Variants in ABCB1 observed in about 807,000 individuals in gnomAD.
ABCB1 encodes the protein ATP binding cassette subfamily B member 1, also known as ATP-dependent translocase ABCB1.
Under a neutral mutation model 142.0 loss-of-function variants are expected in ABCB1, and 69 were observed. The ratio of observed to expected loss-of-function variants is 0.49; its 90% CI spans 0.40 to 0.59. The LOEUF (loss-of-function observed/expected upper bound fraction) is 0.59, where lower values mean the gene tolerates loss of function less well. ABCB1 is among the 20% of genes least tolerant of loss of function. ABCB1 has a pLI of 0.00. For synonymous variants in ABCB1, 532 were observed against 539.2 expected (o/e 0.99, Z 0.18); for missense variants, 1,326 against 1,554.7 (o/e 0.85, Z 2.47).
intron 1 of ABCB1, among the ~76,000 whole-genome samples, chr7:87,609,921 G>A (rs946702953): frequency 6.6e-6 from 1 of 152,062 alleles, no homozygotes; most frequent in Non-Finnish European, 1.5e-5. Context: ...TAATAAAAAT[G>A]TATGTAAAAT....
chr7:87,682,309 T>TA (rs1374519581), intron 1 of ABCB1, among the ~76,000 whole-genome samples: 1 of 152,230 alleles, frequency 6.6e-6, no homozygotes, highest in Non-Finnish European at 1.5e-5. Flanking sequence ...TTAATGTTGA[T>TA]ATTCTGTTAA....
At chr7:87,564,275 A>G (rs1817696929) in intron 7 of ABCB1, 2 of 334,126 alleles carry the variant, frequency 6.0e-6, no homozygotes, top group South Asian at 5.1e-5. Flanking sequence ...CTGTGGTTCC[A>G]GGAGCGGTTT....
At chr7:87,661,675 C>G (rs761478365) in intron 1 of ABCB1, among the ~76,000 whole-genome samples, 3 of 151,650 alleles carry the variant, frequency 2.0e-5, no homozygotes, top group Non-Finnish European at 4.4e-5. Flanking sequence ...CTGTTTCTTC[C>G]AAGTCTTGGC....
intron 1 of ABCB1, among the ~76,000 whole-genome samples, chr7:87,616,994 C>A (rs764132437): frequency 2.0e-5 from 3 of 152,048 alleles, no homozygotes; most frequent in Non-Finnish European, 4.4e-5. Flanking sequence ...GTTTGTGTGA[C>A]AAGGGGAGGA....
intron 22 of ABCB1, among the ~76,000 whole-genome samples, chr7:87,519,940 T>A (rs1815421942): frequency 6.6e-6 from 1 of 152,202 alleles, no homozygotes; most frequent in South Asian, 2.1e-4. Context: ...AATTACTATT[T>A]ATGCATTAGA....
chr7:87,555,171 G>A (rs1817256140), intron 8 of ABCB1, among the ~76,000 whole-genome samples: 1 of 152,138 alleles, frequency 6.6e-6, no homozygotes, highest in Admixed American at 6.5e-5. Flanking sequence ...CAGAGTTAAA[G>A]AAAAATAAGG....
chr7:87,551,491 A>T lies in ABCB1; in HGVS notation c.1000-653T>A, dbSNP rs575923733. Reference sequence around the variant, plus strand: ...ATTTGTCAATTAAAAATAGCATAAAATTTTTTTAAAAAAATTTTAAGACAA... The same window carrying T: ...ATTTGTCAATTAAAAATAGCATAAATTTTTTTTAAAAAAATTTTAAGACAA... On this transcript the variant is annotated intron_variant, in intron 9 of 27. Transcript: ENST00000622132. 9.9e-5 allele frequency among the ~76,000 whole-genome samples: 15 copies of T among 152,212 alleles called. No individual in the cohort carries two copies. The East Asian group carries it at 1.7e-3, about 18-fold the overall frequency.
At chr7:87,559,616 G>A (rs1370055738) in intron 8 of ABCB1, among the ~76,000 whole-genome samples, 2 of 151,842 alleles carry the variant, frequency 1.3e-5, no homozygotes, top group East Asian at 1.9e-4. Context: ...TGATTTAGAT[G>A]TTTAGTTCTT....
intron 20 of ABCB1, among the ~76,000 whole-genome samples, chr7:87,535,032 C>T (rs971965723): frequency 6.6e-6 from 1 of 150,438 alleles, no homozygotes; most frequent in African/African-American, 2.5e-5. Context: ...CCAACCAACA[C>T]ATTGTTGGCT....
chr7:87,515,504 A>G, intron 24 of ABCB1, 76 bp from the exon 25 acceptor site: 5 of 1,305,042 alleles, frequency 3.8e-6, no homozygotes, highest in Non-Finnish European at 5.5e-6. Flanking sequence ...TCTCTCGATT[A>G]CCAGGTGTCA....
chr7:87,516,734 T>C (rs1433047380), intron 23 of ABCB1, 69 bp from the exon 24 acceptor site: 1 of 726,240 alleles, frequency 1.4e-6, no homozygotes, highest in Non-Finnish European at 1.9e-6. Context: ...GACACTCCTT[T>C]TTTTTTTTTT....
At chr7:87,663,419 T>C (rs1824912299) in intron 1 of ABCB1, among the ~76,000 whole-genome samples, 1 of 151,866 alleles carries the variant, frequency 6.6e-6, no homozygotes, top group Admixed American at 6.6e-5. Flanking sequence ...TCAATACTTA[T>C]TAAGCTTTCC....
rs1333107629 is a variant in ABCB1 at position 87,626,245 on chromosome 7, TA to T, written c.-330-25168del. ...ATATGTCATATATATGTGTCATATA[TA>T]TGTCATATATATGTGTCATATATGT... is the stretch of plus-strand genomic sequence containing the variant. On this transcript the variant is annotated intron_variant, in intron 1 of 28. Coordinates refer to the ABCB1 transcript ENST00000265724. 6.2e-5 allele frequency among the ~76,000 whole-genome samples: 3 copies of T among 48,220 alleles called. 1 individual carries two copies. Among genetic ancestry groups the T allele is most frequent in the Non-Finnish European group, 1.2e-4 (3 of 25,712 alleles). 31.6% of individuals were successfully genotyped at this position (48,220 alleles called of 152,430 possible).
chr7:87,555,819 A>T (rs976276136), intron 8 of ABCB1, among the ~76,000 whole-genome samples: 3 of 152,196 alleles, frequency 2.0e-5, no homozygotes, highest in Non-Finnish European at 4.4e-5. Flanking sequence ...CTTACATAAG[A>T]ATATATTTAA....
chr7:87,665,837 C>G (rs983663153), intron 1 of ABCB1, among the ~76,000 whole-genome samples: 1 of 152,068 alleles, frequency 6.6e-6, no homozygotes, highest in African/African-American at 2.4e-5. Flanking sequence ...ATGATGATCT[C>G]CAGCTTGATC....
At chr7:87,708,251 T>C (rs1316467654) in intron 1 of ABCB1, among the ~76,000 whole-genome samples, 1 of 152,074 alleles carries the variant, frequency 6.6e-6, no homozygotes, top group African/African-American at 2.4e-5. Context: ...CTAGCAAGAC[T>C]ATTCAAGAAG....
At chr7:87,523,900 C>T (rs56243536) in intron 21 of ABCB1, among the ~76,000 whole-genome samples, 20,849 of 152,144 alleles carry the variant, frequency 0.14, 1,549 homozygotes, top group African/African-American at 0.19. Flanking sequence ...AGAGAAATAA[C>T]TTCCAGAATT....
At position 87,580,573 on chromosome 7, in the gene ABCB1, T is replaced by C. The variant is rs192782966; in HGVS notation, c.286+4939A>G. Reference sequence around the variant, plus strand: ...TGCTTGGTGTCCCACAACATTCTCGTACTTGAATACTGATATCTTTCTTTA... The same window carrying C: ...TGCTTGGTGTCCCACAACATTCTCGCACTTGAATACTGATATCTTTCTTTA... On this transcript the variant is annotated intron_variant, in intron 4 of 27. Coordinates refer to ENST00000622132, the MANE Select transcript of ABCB1 (RefSeq NM_001348946.2). 3.7e-4 allele frequency among the ~76,000 whole-genome samples: 56 copies of C among 152,314 alleles called. No individual in the cohort carries two copies. In the South Asian group the frequency reaches 6.6e-3, roughly 18 times the overall value.
At chr7:87,541,897 C>T (rs1816556267) in intron 17 of ABCB1, among the ~76,000 whole-genome samples, 1 of 152,144 alleles carries the variant, frequency 6.6e-6, no homozygotes, top group Non-Finnish European at 1.5e-5. Flanking sequence ...TCACTCAGCC[C>T]AGGCCTTTCA....
Sources: gnomAD v4.1 joint callset for allele counts (sites outside exome capture counted in the v4.1 genomes callset) on GRCh38, gnomAD v4.1.1 for gene constraint, MANE v1.5 for transcripts, NCBI Gene and HGNC (gene_info 2026-07-23, HGNC 2026-07-21) for gene names.